Variants in PTTG1IP2 observed in about 807,000 individuals in gnomAD.
PTTG1IP2 encodes the protein PTTG1IP family member 2.
chr7:90,498,089 G>C lies in PTTG1IP2; in HGVS notation c.*50+3659G>C, dbSNP rs900270254. Among the ~76,000 whole-genome samples the C allele has an allele frequency of 2.6e-5, 4 of 151,466 alleles. No individual in the cohort carries two copies. In the South Asian group the frequency reaches 8.3e-4, roughly 32 times the overall value. On this transcript the variant is annotated intron_variant, in intron 6 of 6. Transcript: ENST00000509356. Reference sequence around the variant, plus strand: ...TGCCCAGACTAGAGTGCAGTGGCACGATCTCGGCTCACTGCAAGCTTTGCC... The same window carrying C: ...TGCCCAGACTAGAGTGCAGTGGCACCATCTCGGCTCACTGCAAGCTTTGCC...
chr7:90,510,052 A>G (rs1003828349), intron 6 of PTTG1IP2, among the ~76,000 whole-genome samples: 8 of 152,174 alleles, frequency 5.3e-5, no homozygotes, highest in African/African-American at 1.2e-4. Flanking sequence ...GTTTTCTTTT[A>G]CAAGACAGTG....
chr7:90,497,757 G>T (rs772739328), intron 6 of PTTG1IP2, among the ~76,000 whole-genome samples: 21 of 115,544 alleles, frequency 1.8e-4, no homozygotes, highest in Non-Finnish European at 3.7e-4. Context: ...AGAAGAAGAA[G>T]AAGAAGCCGA....
chr7:90,500,993 T>C (rs564088135), intron 6 of PTTG1IP2, among the ~76,000 whole-genome samples: 1 of 152,354 alleles, frequency 6.6e-6, no homozygotes, highest in Non-Finnish European at 1.5e-5. Flanking sequence ...TCGTTAGCAT[T>C]TTCTTTAGAC....
intron 6 of PTTG1IP2, among the ~76,000 whole-genome samples, chr7:90,494,777 T>C (rs1797974568): frequency 6.6e-6 from 1 of 152,138 alleles, no homozygotes; most frequent in Admixed American, 6.5e-5. Context: ...AACAACTTGG[T>C]AGGCCAAGGT....
At chr7:90,497,716 A>C (rs17864042) in intron 6 of PTTG1IP2, among the ~76,000 whole-genome samples, 1 of 38,606 alleles carries the variant, frequency 2.6e-5, no homozygotes, top group Admixed American at 2.2e-4. Context: ...GACCCTGTAT[A>C]AAAAAAAAAA....
chr7:90,507,190 A>AT (rs368558749), intron 6 of PTTG1IP2, among the ~76,000 whole-genome samples: 26 of 152,082 alleles, frequency 1.7e-4, no homozygotes, highest in African/African-American at 5.8e-4. Flanking sequence ...TAGGGATAAC[A>AT]TTTTTTTCTG....
At position 90,513,379 on chromosome 7, in the gene PTTG1IP2, G is replaced by T. The variant is rs182611486; in HGVS notation, c.*152G>T. On this transcript the variant is annotated 3_prime_UTR_variant, in exon 7 of 7. Coordinates refer to ENST00000509356, the MANE Select transcript of PTTG1IP2 (RefSeq NM_001365443.2). The stretch of plus-strand genomic sequence containing the variant: ...TTTAAATTCTATTAAACATTTTTTC[G>T]AGTATTTCATTACTTTTACATTATG... 6.6e-6 allele frequency: 1 copy of T among 152,256 alleles called. No homozygotes were observed. The highest frequency in any genetic ancestry group is 1.9e-4 in the East Asian group (1 of 5,200). 9.4% of individuals were successfully genotyped at this position (152,256 alleles called of 1,614,324 possible). A position where few individuals can be genotyped will look rare whatever the true frequency, so the allele number is the denominator to read the frequency against.
intron 6 of PTTG1IP2, among the ~76,000 whole-genome samples, chr7:90,511,787 T>C (rs1798193117): frequency 6.6e-6 from 1 of 152,210 alleles, no homozygotes; most frequent in Non-Finnish European, 1.5e-5. Context: ...TGTGATATCT[T>C]GGGCATATTA....
chr7:90,498,057 G>A (rs1413708987), intron 6 of PTTG1IP2, among the ~76,000 whole-genome samples: 3 of 149,966 alleles, frequency 2.0e-5, no homozygotes, highest in Non-Finnish European at 4.4e-5. Flanking sequence ...ATGGAGTCTC[G>A]CTCTGTTGCC....
intron 1 of PTTG1IP2, chr7:90,470,393 T>A (rs999009052): frequency 6.6e-6 from 1 of 152,178 alleles, no homozygotes; most frequent in Non-Finnish European, 1.5e-5. Flanking sequence ...ATTGAAAAAA[T>A]TTTGAAATGT....
At chr7:90,470,394 T>C (rs1797669267) in intron 1 of PTTG1IP2, 1 of 152,178 alleles carries the variant, frequency 6.6e-6, no homozygotes. Flanking sequence ...TTGAAAAAAT[T>C]TTGAAATGTT....
intron 6 of PTTG1IP2, among the ~76,000 whole-genome samples, chr7:90,503,221 AG>A (rs1417306575): frequency 1.3e-5 from 2 of 152,130 alleles, no homozygotes; most frequent in African/African-American, 2.4e-5. Context: ...TACCTCTCTC[AG>A]CCTTCATAGA....
intron 6 of PTTG1IP2, among the ~76,000 whole-genome samples, chr7:90,500,815 G>T (rs956190047): frequency 6.6e-6 from 1 of 152,216 alleles, no homozygotes; most frequent in African/African-American, 2.4e-5. Flanking sequence ...AGGGCCTGGT[G>T]TCTGGAGGTA....
intron 6 of PTTG1IP2, among the ~76,000 whole-genome samples, chr7:90,494,867 G>T (rs948871357): frequency 1.3e-5 from 2 of 152,114 alleles, no homozygotes; most frequent in African/African-American, 4.8e-5. Flanking sequence ...AAAATTAGCT[G>T]GGCATGGTTG....
At chr7:90,479,542 T>A (rs898633565) in intron 2 of PTTG1IP2, among the ~76,000 whole-genome samples, 10 of 152,248 alleles carry the variant, frequency 6.6e-5, no homozygotes, top group Admixed American at 3.9e-4. Context: ...AAAAAAATTA[T>A]ACTGAAATTT....
chr7:90,471,019 A>C (rs1204582637), intron 1 of PTTG1IP2, among the ~76,000 whole-genome samples: 2 of 152,130 alleles, frequency 1.3e-5, no homozygotes, highest in Non-Finnish European at 2.9e-5. Flanking sequence ...ATCAAAAATC[A>C]CATCTAAGAT....
At chr7:90,492,512 A>C (rs1296773674) in intron 5 of PTTG1IP2, among the ~76,000 whole-genome samples, 1 of 152,214 alleles carries the variant, frequency 6.6e-6, no homozygotes, top group Non-Finnish European at 1.5e-5. Context: ...ATTGCATTGC[A>C]TACATATTGC....
intron 4 of PTTG1IP2, among the ~76,000 whole-genome samples, chr7:90,490,558 G>C (rs1797927170): frequency 6.6e-6 from 1 of 151,882 alleles, no homozygotes; most frequent in Non-Finnish European, 1.5e-5. Flanking sequence ...AACATACAAA[G>C]ACAAGTTAGG....
At chr7:90,499,048 C>A (rs1020866571) in intron 6 of PTTG1IP2, among the ~76,000 whole-genome samples, 1 of 152,076 alleles carries the variant, frequency 6.6e-6, no homozygotes, top group Non-Finnish European at 1.5e-5. Context: ...GATGGGATTT[C>A]ACTATATTGC....
Sources: allele counts gnomAD v4.1 joint callset (sites outside exome capture counted in the v4.1 genomes callset), GRCh38; gene constraint gnomAD v4.1.1; transcripts MANE v1.5; gene names NCBI Gene and HGNC (gene_info 2026-07-23, HGNC 2026-07-21).